CADM1: variants seen among roughly 807,000 people sequenced by gnomAD.
The protein encoded by CADM1 is TSLC-1.
A neutral mutation model predicts 53.1 loss-of-function variants in CADM1; 15 were observed. That is an observed-to-expected ratio of 0.28 (90% CI 0.19 to 0.44). The LOEUF is 0.44. CADM1 is among the 20% of genes least tolerant of loss of function. CADM1 has a pLI of 1.00. For synonymous variants in CADM1, 281 were observed against 243.0 expected (o/e 1.16, Z -1.45); for missense variants, 434 against 611.3 (o/e 0.71, Z 3.06).
At chr11:115,462,845 T>G (rs1355549355) in intron 1 of CADM1, among the ~76,000 whole-genome samples, 1 of 152,066 alleles carries the variant, frequency 6.6e-6, no homozygotes, top group East Asian at 1.9e-4. Context: ...ACCATCCTCT[T>G]TTAAAAGGTC....
At chr11:115,191,030 A>C (rs1031164983) in intron 9 of CADM1, 89 bp from the exon 10 acceptor site, 15 of 1,063,116 alleles carry the variant, frequency 1.4e-5, no homozygotes, top group African/African-American at 3.1e-5. Context: ...TTCTTTAAAA[A>C]CATGAGCCAA....
intron 1 of CADM1, among the ~76,000 whole-genome samples, chr11:115,240,638 C>G (rs1942195663): frequency 6.6e-6 from 1 of 152,170 alleles, no homozygotes; most frequent in Admixed American, 6.5e-5. Context: ...TCATCATACT[C>G]TCAAAAGCTG....
chr11:115,343,538 C>T (rs1945501453), intron 1 of CADM1, among the ~76,000 whole-genome samples: 1 of 151,952 alleles, frequency 6.6e-6, no homozygotes, highest in Admixed American at 6.6e-5. Context: ...CTAGCACTGA[C>T]CTAAATATTC....
intron 1 of CADM1, among the ~76,000 whole-genome samples, chr11:115,339,125 T>C (rs2135239350): frequency 7.1e-6 from 1 of 140,282 alleles, no homozygotes; most frequent in South Asian, 2.3e-4. Context: ...AATTCCCACC[T>C]ATGAGTGAGA....
intron 3 of CADM1, among the ~76,000 whole-genome samples, chr11:115,233,915 C>G (rs1236371138): frequency 6.6e-6 from 1 of 152,182 alleles, no homozygotes; most frequent in African/African-American, 2.4e-5. Context: ...CGGGAAATCC[C>G]TAGGGAATGG....
intron 1 of CADM1, among the ~76,000 whole-genome samples, chr11:115,328,595 A>C (rs1028217325): frequency 4.1e-5 from 6 of 147,052 alleles, no homozygotes; most frequent in African/African-American, 1.5e-4. Context: ...GTTTGAAAGG[A>C]ATGTTGTAAT....
At chr11:115,317,808 A>G (rs1235501887) in intron 1 of CADM1, among the ~76,000 whole-genome samples, 2 of 152,224 alleles carry the variant, frequency 1.3e-5, no homozygotes, top group Non-Finnish European at 2.9e-5. Flanking sequence ...ATTATTTCAT[A>G]GCAGCAATTA....
chr11:115,394,394 C>T (rs1273502720), intron 1 of CADM1, among the ~76,000 whole-genome samples: 1 of 152,040 alleles, frequency 6.6e-6, no homozygotes. Flanking sequence ...TCCTTTATGA[C>T]TTTAGCTTTC....
chr11:115,336,341 G>T (rs1016985230), intron 1 of CADM1, among the ~76,000 whole-genome samples: 1 of 152,084 alleles, frequency 6.6e-6, no homozygotes, highest in African/African-American at 2.4e-5. Context: ...TCATCTCATC[G>T]ATCCCTCAAA....
At chr11:115,286,010 A>G (rs184993945) in intron 1 of CADM1, among the ~76,000 whole-genome samples, 1 of 152,344 alleles carries the variant, frequency 6.6e-6, no homozygotes, top group African/African-American at 2.4e-5. Flanking sequence ...AGAAAGCACC[A>G]TGATATACTC....
chr11:115,259,612 T>C (rs1480106821), intron 1 of CADM1, among the ~76,000 whole-genome samples: 1 of 152,096 alleles, frequency 6.6e-6, no homozygotes, highest in Admixed American at 6.5e-5. Flanking sequence ...AGCCAACTTT[T>C]TGTTTTTTTT....
chr11:115,207,431 C>T lies in CADM1; in HGVS notation c.1078+2143G>A, dbSNP rs947468001. On this transcript the variant is annotated intron_variant, in intron 8 of 11. Coordinates refer to ENST00000331581, the MANE Select transcript of CADM1 (RefSeq NM_001301043.2). ...TCCTCTTAAATGGAGTCTCTGCAGT[C>T]GGAACTGTGATAACAGTGAGTTGTA... 5.9e-5 allele frequency: 9 copies of T among 152,124 alleles called. No homozygotes were observed. In the South Asian group the frequency reaches 6.3e-4, roughly 11 times the overall value. 9.4% of individuals were successfully genotyped at this position (152,124 alleles called of 1,614,324 possible). A position where few individuals can be genotyped will look rare whatever the true frequency, so the allele number is the denominator to read the frequency against.
At chr11:115,340,994 ATGT>A (rs1015346479) in intron 1 of CADM1, among the ~76,000 whole-genome samples, 1 of 151,914 alleles carries the variant, frequency 6.6e-6, no homozygotes, top group African/African-American at 2.4e-5. Context: ...ATGGAAGAAA[ATGT>A]TGTTATAAAG....
At chr11:115,419,017 G>GT (rs1290337037) in intron 1 of CADM1, among the ~76,000 whole-genome samples, 5 of 152,216 alleles carry the variant, frequency 3.3e-5, no homozygotes, top group Middle Eastern at 6.8e-3. Context: ...CACACTGAAG[G>GT]TTTTTTTGAA....
intron 1 of CADM1, among the ~76,000 whole-genome samples, chr11:115,261,923 G>A (rs1942985906): frequency 6.6e-6 from 1 of 151,928 alleles, no homozygotes; most frequent in Non-Finnish European, 1.5e-5. Flanking sequence ...GGGATTACAG[G>A]CACGTGCCAC....
At chr11:115,229,431 A>G (rs1167495325) in intron 4 of CADM1, among the ~76,000 whole-genome samples, 160 bp from the exon 5 acceptor site, 3 of 152,164 alleles carry the variant, frequency 2.0e-5, no homozygotes, top group Non-Finnish European at 2.9e-5. Flanking sequence ...TTACCTGATA[A>G]AGTTTTTATT....
intron 1 of CADM1, among the ~76,000 whole-genome samples, chr11:115,325,396 G>T (rs1944935278): frequency 6.6e-6 from 1 of 152,116 alleles, no homozygotes; most frequent in Non-Finnish European, 1.5e-5. Flanking sequence ...AGGGTGCTTG[G>T]TCAAACTGCA....
chr11:115,422,248 T>TA (rs112748269), intron 1 of CADM1, among the ~76,000 whole-genome samples: 4 of 152,268 alleles, frequency 2.6e-5, no homozygotes, highest in African/African-American at 9.6e-5. Context: ...GACTATTTCC[T>TA]AAAAGGGGAC....
intron 4 of CADM1, among the ~76,000 whole-genome samples, chr11:115,230,566 T>C (rs1941778777): frequency 6.6e-6 from 1 of 152,052 alleles, no homozygotes; most frequent in African/African-American, 2.4e-5. Flanking sequence ...TGGCAAAAAA[T>C]GGTCAAATAG....
Sources: allele counts gnomAD v4.1 joint callset (sites outside exome capture counted in the v4.1 genomes callset), GRCh38; gene constraint gnomAD v4.1.1; transcripts MANE v1.5; gene names NCBI Gene and HGNC (gene_info 2026-07-23, HGNC 2026-07-21).